PLCG2: variants seen among roughly 807,000 people sequenced by gnomAD.
PLCG2 encodes 1-phosphatidylinositol 4,5-bisphosphate phosphodiesterase gamma-2.
Under a neutral mutation model 175.6 loss-of-function variants are expected in PLCG2, and 69 were observed. That is an observed-to-expected ratio of 0.39 (90% CI 0.32 to 0.48). The LOEUF is 0.48. Ranked by LOEUF, PLCG2 falls within the 20% of genes least tolerant of loss-of-function variation. The pLI is 0.91. For synonymous variants in PLCG2, 827 were observed against 624.0 expected (o/e 1.33, Z -4.85); for missense variants, 1,798 against 1,650.9 (o/e 1.09, Z -1.54).
chr16:81,937,438 G>A (rs1317967926), intron 27 of PLCG2: 1 of 211,494 alleles, frequency 4.7e-6, no homozygotes, highest in South Asian at 1.0e-4. Context: ...AGAACTAAGA[G>A]GTTAAAAATT....
At chr16:81,871,495 C>T (rs1374773247) in intron 7 of PLCG2, among the ~76,000 whole-genome samples, 1 of 152,086 alleles carries the variant, frequency 6.6e-6, no homozygotes, top group Non-Finnish European at 1.5e-5. Context: ...TGCGCCACCA[C>T]GCCCAGCTAA....
intron 1 of PLCG2, among the ~76,000 whole-genome samples, chr16:81,779,637 T>C (rs1041399719): frequency 2.0e-5 from 3 of 151,978 alleles, no homozygotes; most frequent in Admixed American, 1.3e-4. Flanking sequence ...GGCCACTTCC[T>C]CACCCCGGGC....
chr16:81,934,627 C>G (rs1597142435), intron 26 of PLCG2, 96 bp downstream of exon 26: 4 of 789,260 alleles, frequency 5.1e-6, no homozygotes, highest in Admixed American at 2.1e-5. Context: ...AGTGCATTCT[C>G]TCATTCTTAA....
chr16:81,961,272 C>T lies in PLCG2; in HGVS notation c.*3274C>T, dbSNP rs536393167. The stretch of plus-strand genomic sequence containing the variant: ...ACATCTCCATAAATGAAATTGAAAA[C>T]GGAAAATAGAATTGATGATGAACTT... On this transcript the variant is annotated 3_prime_UTR_variant, in exon 33 of 33. Transcript: ENST00000564138. 7 of 225,094 alleles carry T rather than the reference C, an allele frequency of 3.1e-5. No homozygotes were observed. Among genetic ancestry groups the T allele is most frequent in the African/African-American group, 8.9e-5 (4 of 45,018 alleles). 13.9% of individuals were successfully genotyped at this position (225,094 alleles called of 1,614,324 possible).
intron 2 of PLCG2, among the ~76,000 whole-genome samples, chr16:81,792,480 C>CAAAAAAAAAAAAAAAAAAAAAAAAAA (rs532680550): frequency 5.6e-4 from 39 of 70,152 alleles, no homozygotes; most frequent in African/African-American, 1.0e-3. Context: ...GGCTCTGTCT[C>CAAAAAAAAAAAAAAAAAAAAAAAAAA]AAAAAAAAAA....
intron 31 of PLCG2, among the ~76,000 whole-genome samples, chr16:81,952,063 C>T (rs1315977942): frequency 6.6e-6 from 1 of 151,702 alleles, no homozygotes; most frequent in African/African-American, 2.4e-5. Flanking sequence ...ATGGGACATC[C>T]CATTTGTGAT....
intron 30 of PLCG2, among the ~76,000 whole-genome samples, chr16:81,942,634 C>A (rs1322610084): frequency 6.6e-6 from 1 of 152,116 alleles, no homozygotes; most frequent in Non-Finnish European, 1.5e-5. Flanking sequence ...TCTTTTAATC[C>A]TCACAGTAAT....
chr16:81,753,477 A>T (rs1193794837), intron 1 of PLCG2, among the ~76,000 whole-genome samples: 1 of 146,856 alleles, frequency 6.8e-6, no homozygotes, highest in African/African-American at 2.5e-5. Flanking sequence ...GGAGTGCAGT[A>T]GTTGTATCTT....
intron 14 of PLCG2, among the ~76,000 whole-genome samples, chr16:81,901,868 T>A (rs200609506): frequency 1.3e-5 from 2 of 152,250 alleles, no homozygotes; most frequent in Admixed American, 1.3e-4. Flanking sequence ...AATATCTTAA[T>A]CATGTTTCAA....
chr16:81,831,405 C>G (rs1340982256), intron 2 of PLCG2, among the ~76,000 whole-genome samples: 1 of 152,192 alleles, frequency 6.6e-6, no homozygotes, highest in Non-Finnish European at 1.5e-5. Flanking sequence ...CATTTAAACA[C>G]AGGCTGTGTG....
intron 5 of PLCG2, among the ~76,000 whole-genome samples, chr16:81,866,717 G>A (rs1319445272): frequency 6.7e-6 from 1 of 149,514 alleles, no homozygotes; most frequent in Non-Finnish European, 1.5e-5. Flanking sequence ...GCTCCACTGG[G>A]CACCAGCATG....
chr16:81,787,606 A>G (rs1260393203), intron 2 of PLCG2, among the ~76,000 whole-genome samples: 1 of 150,450 alleles, frequency 6.6e-6, no homozygotes, highest in Non-Finnish European at 1.5e-5. Flanking sequence ...CACCCATTGT[A>G]TGCAGCATGT....
At chr16:81,805,783 G>GTTTTTTTT (rs35014411) in intron 2 of PLCG2, among the ~76,000 whole-genome samples, 10 of 82,918 alleles carry the variant, frequency 1.2e-4, no homozygotes, top group Non-Finnish European at 1.5e-4. Context: ...TTTTTTTTTT[G>GTTTTTTTT]TTTTTTTTTT....
intron 2 of PLCG2, among the ~76,000 whole-genome samples, chr16:81,814,639 G>A (rs1215745263): frequency 6.6e-6 from 1 of 152,014 alleles, no homozygotes; most frequent in Non-Finnish European, 1.5e-5. Flanking sequence ...AGGTTGCAGT[G>A]AACCAAGATC....
intron 2 of PLCG2, among the ~76,000 whole-genome samples, chr16:81,805,770 T>TTTG (rs1911986101): frequency 2.3e-5 from 2 of 88,110 alleles, no homozygotes; most frequent in Admixed American, 1.1e-4. Context: ...TTGTTTTGTT[T>TTTG]TTTTTTTTTT....
rs935577192 is a variant in PLCG2 at position 81,859,832 on chromosome 16, G to C, written c.479+669G>C. Among the ~76,000 whole-genome samples the C allele has an allele frequency of 1.3e-5, 2 of 152,178 alleles. 1 individual carries two copies. The highest frequency in any genetic ancestry group is 4.8e-5 in the African/African-American group (2 of 41,426). On this transcript the variant is annotated intron_variant, in intron 5 of 32. Transcript: ENST00000564138. ...ATTACAGGCATGAGCCACCGCGCCCGGCCACCAGGTGGTTCTAAGGGCTGG... is the reference window on the plus strand; with the variant it reads ...ATTACAGGCATGAGCCACCGCGCCCCGCCACCAGGTGGTTCTAAGGGCTGG...
rs1911670012 is a variant in PLCG2 at position 81,958,664 on chromosome 16, C to G, written c.*666C>G. The stretch of plus-strand genomic sequence containing the variant: ...GGATGGAGGGTAGGAATCTTGGGGC[C>G]TCTTTGTTTTAAAAAGCCCATCAGA... On this transcript the variant is annotated 3_prime_UTR_variant, in exon 33 of 33. Coordinates refer to ENST00000564138, the MANE Select transcript of PLCG2 (RefSeq NM_002661.5). The G allele has an allele frequency of 4.5e-6, 1 of 223,342 alleles. No homozygotes were observed. Among genetic ancestry groups the G allele is most frequent in the African/African-American group, 2.2e-5 (1 of 44,782 alleles). 13.8% of individuals were successfully genotyped at this position (223,342 alleles called of 1,614,324 possible).
chr16:81,892,497 G>A (rs1908683560), intron 11 of PLCG2, among the ~76,000 whole-genome samples: 3 of 151,976 alleles, frequency 2.0e-5, no homozygotes. Flanking sequence ...GCTTTTTATG[G>A]TGTTATGCTC....
intron 2 of PLCG2, among the ~76,000 whole-genome samples, chr16:81,773,064 T>G (rs2143114053): frequency 6.6e-6 from 1 of 152,264 alleles, no homozygotes; most frequent in African/African-American, 2.4e-5. Flanking sequence ...CTAAATATAC[T>G]GCCAAATGTG....
Sources: allele counts gnomAD v4.1 joint callset (sites outside exome capture counted in the v4.1 genomes callset), GRCh38; gene constraint gnomAD v4.1.1; transcripts MANE v1.5; gene names NCBI Gene and HGNC (gene_info 2026-07-23, HGNC 2026-07-21).